Variants in SYN3 observed in about 807,000 individuals in gnomAD.
The protein encoded by SYN3 is synapsin-3.
Under a neutral mutation model 65.8 loss-of-function variants are expected in SYN3, and 35 were observed. The observed-to-expected ratio is 0.53, with a 90% CI of 0.41 to 0.70. The LOEUF is 0.70. SYN3 is among the 30% of genes least tolerant of loss of function. The pLI is 0.00. For synonymous variants in SYN3, 270 were observed against 292.9 expected (o/e 0.92, Z 0.80); for missense variants, 680 against 749.0 (o/e 0.91, Z 1.08).
At chr22:32,898,363 C>T (rs954173231) in intron 4 of SYN3, among the ~76,000 whole-genome samples, 3 of 152,130 alleles carry the variant, frequency 2.0e-5, no homozygotes, top group Admixed American at 6.6e-5. Context: ...AAGTCTTTAA[C>T]GTATCTGAAC....
chr22:33,040,315 G>C (rs1273747451), intron 1 of SYN3, among the ~76,000 whole-genome samples: 1 of 152,030 alleles, frequency 6.6e-6, no homozygotes, highest in Non-Finnish European at 1.5e-5. Context: ...CCATAACAGA[G>C]AAAATGAGTT....
At chr22:33,011,597 T>C (rs1222539045) in intron 1 of SYN3, among the ~76,000 whole-genome samples, 2 of 152,166 alleles carry the variant, frequency 1.3e-5, no homozygotes, top group East Asian at 1.9e-4. Context: ...ACAAAATAGG[T>C]TGGGAAGCAT....
chr22:32,807,646 G>A (rs137903530), intron 6 of SYN3, among the ~76,000 whole-genome samples: 142 of 150,332 alleles, frequency 9.4e-4, no homozygotes, highest in Non-Finnish European at 1.6e-3. Context: ...CTCGTTTAAG[G>A]TTATACTGCT....
At chr22:32,813,050 G>A (rs570564089) in intron 6 of SYN3, among the ~76,000 whole-genome samples, 5 of 152,288 alleles carry the variant, frequency 3.3e-5, no homozygotes, top group African/African-American at 9.6e-5. Context: ...CTTTTGGCCT[G>A]GATTTCCTCA....
At chr22:32,821,663 A>G (rs896228263) in intron 6 of SYN3, among the ~76,000 whole-genome samples, 6 of 152,058 alleles carry the variant, frequency 3.9e-5, no homozygotes, top group East Asian at 1.9e-4. Context: ...CCCTTTCCCA[A>G]TATCTCACAG....
intron 1 of SYN3, among the ~76,000 whole-genome samples, chr22:33,052,447 C>A (rs78408950): frequency 2.0e-5 from 3 of 152,000 alleles, no homozygotes; most frequent in Non-Finnish European, 4.4e-5. Flanking sequence ...CGTAGTACTA[C>A]GGACACATGT....
chr22:32,809,581 G>C (rs2046857773), intron 6 of SYN3, among the ~76,000 whole-genome samples: 1 of 152,038 alleles, frequency 6.6e-6, no homozygotes, highest in Non-Finnish European at 1.5e-5. Context: ...GTTTGGAACA[G>C]TTATCCGACA....
At chr22:32,580,701 C>T (rs1364893892) in intron 7 of SYN3, among the ~76,000 whole-genome samples, 2 of 152,196 alleles carry the variant, frequency 1.3e-5, no homozygotes, top group African/African-American at 2.4e-5. Context: ...AGTAGAGTTC[C>T]AGTGGAAGAT....
At chr22:32,997,795 G>A (rs1045451049) in intron 2 of SYN3, among the ~76,000 whole-genome samples, 1 of 152,034 alleles carries the variant, frequency 6.6e-6, no homozygotes, top group African/African-American at 2.4e-5. Context: ...GGGAGGCCGA[G>A]GCGGGCAGAT....
intron 2 of SYN3, among the ~76,000 whole-genome samples, chr22:33,005,324 C>G (rs2053168798): frequency 6.6e-6 from 1 of 152,204 alleles, no homozygotes; most frequent in South Asian, 2.1e-4. Flanking sequence ...TCCATGTATT[C>G]CTCTGCTCTG....
At chr22:32,720,215 T>A (rs2061097331) in intron 6 of SYN3, among the ~76,000 whole-genome samples, 1 of 152,226 alleles carries the variant, frequency 6.6e-6, no homozygotes, top group South Asian at 2.1e-4. Flanking sequence ...TGGTTACCTT[T>A]TATTGTATTG....
chr22:32,888,859 C>CA (rs36071047), intron 4 of SYN3, among the ~76,000 whole-genome samples: 35,572 of 152,092 alleles, frequency 0.23, 4,360 homozygotes, highest in South Asian at 0.43. Context: ...AATCTGAAAT[C>CA]AAAAACCCTT....
At chr22:32,696,705 T>C (rs2060741212) in intron 6 of SYN3, among the ~76,000 whole-genome samples, 3 of 152,098 alleles carry the variant, frequency 2.0e-5, no homozygotes. Context: ...CTGTCCTGAG[T>C]GGGTGAAAAC....
intron 1 of SYN3, among the ~76,000 whole-genome samples, chr22:33,040,152 A>G (rs1475162922): frequency 8.9e-6 from 1 of 112,958 alleles, no homozygotes; most frequent in Non-Finnish European, 2.3e-5. Context: ...TTTAATATAT[A>G]TTTTTTGTAT....
chr22:32,809,950 G>A (rs1231922036), intron 6 of SYN3, among the ~76,000 whole-genome samples: 7 of 152,150 alleles, frequency 4.6e-5, no homozygotes, highest in African/African-American at 1.7e-4. Context: ...ACTTCTCCCT[G>A]TTACCCACAG....
chr22:32,605,004 T>G, intron 6 of SYN3, among the ~76,000 whole-genome samples: 1 of 93,370 alleles, frequency 1.1e-5, no homozygotes, highest in African/African-American at 3.9e-5. Context: ...AGACTCCATC[T>G]CAGAAAAAAA....
intron 6 of SYN3, among the ~76,000 whole-genome samples, chr22:32,754,064 C>A (rs560763545): frequency 1.3e-5 from 2 of 152,348 alleles, no homozygotes; most frequent in East Asian, 3.9e-4. Context: ...TGGTGGTCCA[C>A]ACCTCTGGGC....
chr22:32,541,854 G>A, intron 7 of SYN3, 141 bp from the exon 8 acceptor site: 1 of 976,214 alleles, frequency 1.0e-6, no homozygotes, highest in East Asian at 2.7e-5. Flanking sequence ...GACACGGGAA[G>A]CAAATCATTC....
intron 4 of SYN3, among the ~76,000 whole-genome samples, chr22:32,882,178 C>T (rs886417507): frequency 2.0e-5 from 3 of 152,110 alleles, no homozygotes; most frequent in South Asian, 2.1e-4. Context: ...TGACAAGCTG[C>T]GGCTGCCTCT....
Sources: allele counts gnomAD v4.1 joint callset (sites outside exome capture counted in the v4.1 genomes callset), GRCh38; gene constraint gnomAD v4.1.1; transcripts MANE v1.5; gene names NCBI Gene and HGNC (gene_info 2026-07-23, HGNC 2026-07-21).